Variants in KATNIP observed in about 807,000 individuals in gnomAD.
KATNIP encodes katanin interacting protein.
A neutral mutation model predicts 174.0 loss-of-function variants in KATNIP; 126 were observed. The ratio of observed to expected loss-of-function variants is 0.72; its 90% CI spans 0.63 to 0.84. The LOEUF (loss-of-function observed/expected upper bound fraction) is 0.84. KATNIP is among the 40% of genes least tolerant of loss of function. KATNIP has a pLI of 0.00. For missense variants in KATNIP, 1,958 were observed against 2,109.7 expected (o/e 0.93, Z 1.41); for synonymous variants, 810 against 835.7 (o/e 0.97, Z 0.53).
chr16:27,656,419 GAAAAAAAAAAA>G (rs927275425), intron 6 of KATNIP, among the ~76,000 whole-genome samples: 1 of 34,422 alleles, frequency 2.9e-5, no homozygotes, highest in Non-Finnish European at 6.7e-5. Context: ...CTCTGTCTCA[GAAAAAAAAAAA>G]AAAAAAAAAA....
At chr16:27,720,496 C>CTT (rs56263804) in intron 13 of KATNIP, among the ~76,000 whole-genome samples, 9,153 of 124,422 alleles carry the variant, frequency 0.074, 1,208 homozygotes, top group African/African-American at 0.25. Context: ...GGGTTTTGTT[C>CTT]TTTTTTTTTT....
At chr16:27,739,232 T>A (rs2081013641) in intron 14 of KATNIP, among the ~76,000 whole-genome samples, 1 of 152,066 alleles carries the variant, frequency 6.6e-6, no homozygotes, top group Non-Finnish European at 1.5e-5. Flanking sequence ...GCGGATTGGA[T>A]GGGCAAGTGA....
intron 2 of KATNIP, among the ~76,000 whole-genome samples, chr16:27,592,489 G>A (rs1339210827): frequency 3.3e-5 from 5 of 151,802 alleles, no homozygotes; most frequent in African/African-American, 4.8e-5. Flanking sequence ...GTGGTGGTAC[G>A]CACCTGTAGT....
chr16:27,557,908 G>A (rs1213884139), intron 1 of KATNIP, among the ~76,000 whole-genome samples: 1 of 152,148 alleles, frequency 6.6e-6, no homozygotes, highest in East Asian at 1.9e-4. Flanking sequence ...AATAAAGTCT[G>A]TTAACACCAA....
At chr16:27,570,545 C>A (rs1471973901) in intron 1 of KATNIP, among the ~76,000 whole-genome samples, 8 of 152,064 alleles carry the variant, frequency 5.3e-5, no homozygotes, top group Admixed American at 5.2e-4. Context: ...CCAGCCTGGA[C>A]AACAGAGTGA....
chr16:27,553,664 TA>T (rs1441153697), intron 1 of KATNIP, among the ~76,000 whole-genome samples: 5 of 151,552 alleles, frequency 3.3e-5, no homozygotes, highest in African/African-American at 1.2e-4. Flanking sequence ...AATAAATAAA[TA>T]AAATAAATAA....
intron 2 of KATNIP, among the ~76,000 whole-genome samples, chr16:27,581,038 G>A (rs1008501090): frequency 2.0e-5 from 3 of 151,938 alleles, no homozygotes; most frequent in African/African-American, 7.3e-5. Context: ...TCCAGGTTGG[G>A]CAATATAGTG....
chr16:27,775,006 C>A lies in KATNIP; in HGVS notation c.4371C>A (p.Thr1457=). 3.7e-6 allele frequency: 6 copies of A among 1,613,798 alleles called. No homozygotes were observed. The highest frequency in any genetic ancestry group is 5.1e-6 in the Non-Finnish European group (6 of 1,179,898). ...AGGGTGTGGGCGGGGACGTCCGCAC[C>A]CCAGACAAGCTCATCGACCAAGTGA... ...SLEGVGGDVR[T]PDKLIDQVND... Residue 1457 remains threonine, a synonymous_variant, in exon 24 of 28, where the codon ACC becomes ACA. Transcript: ENST00000261588.
At chr16:27,697,326 ATTTTT>A (rs2078948480) in intron 8 of KATNIP, among the ~76,000 whole-genome samples, 1 of 151,932 alleles carries the variant, frequency 6.6e-6, no homozygotes, top group Non-Finnish European at 1.5e-5. Context: ...TATCTGTTAG[ATTTTT>A]ACTTTTCAAT....
At chr16:27,556,075 T>G (rs2089613642) in intron 1 of KATNIP, among the ~76,000 whole-genome samples, 1 of 150,580 alleles carries the variant, frequency 6.6e-6, no homozygotes, top group African/African-American at 2.4e-5. Context: ...TGCAGTGAGC[T>G]GAGATTGCAC....
chr16:27,650,249 C>T (rs909595017), intron 6 of KATNIP, among the ~76,000 whole-genome samples: 1 of 151,266 alleles, frequency 6.6e-6, no homozygotes, highest in Admixed American at 6.6e-5. Flanking sequence ...CGTGCAACGG[C>T]ATGAGGCCAG....
intron 6 of KATNIP, among the ~76,000 whole-genome samples, chr16:27,677,195 C>T (rs1460209798): frequency 6.6e-6 from 1 of 152,178 alleles, no homozygotes; most frequent in Non-Finnish European, 1.5e-5. Flanking sequence ...CAACACCCTG[C>T]AATATGCAGG....
In KATNIP at chr16:27,764,276, G is replaced by A. The variant is rs141060023; in HGVS notation, c.3810-2033G>A. 5.9e-5 allele frequency among the ~76,000 whole-genome samples: 9 copies of A among 152,184 alleles called. No individual in the cohort carries two copies. The East Asian group carries it at 7.7e-4, about 13-fold the overall frequency. ...TCCAAATAACTGTTTCTCTAGCATC[G>A]TCTAAAACGTGTGTTTCTTTTTAGG... is the stretch of plus-strand genomic sequence containing the variant. On this transcript the variant is annotated intron_variant, in intron 19 of 27. Transcript: ENST00000261588.
chr16:27,778,566 CATGA>C lies in KATNIP; in HGVS notation c.4802-7_4802-4del. On this transcript the variant is annotated splice_region_variant and splice_polypyrimidine_tract_variant and intron_variant, in intron 27 of 27. Transcript: ENST00000261588. Reference sequence around the variant, plus strand: ...TAACTCTGGTCCCTCTGTTCCCTGTCATGACAGCCTTACGTCCCAAAACCTGCAT... The same window carrying C: ...TAACTCTGGTCCCTCTGTTCCCTGTCCAGCCTTACGTCCCAAAACCTGCAT... The C allele has an allele frequency of 6.2e-7, 1 of 1,613,552 alleles. No individual in the cohort carries two copies.
intron 5 of KATNIP, among the ~76,000 whole-genome samples, chr16:27,635,044 G>A (rs1382870397): frequency 2.0e-5 from 3 of 152,128 alleles, no homozygotes; most frequent in Non-Finnish European, 2.9e-5. Flanking sequence ...GTGTTCTCAC[G>A]CAGATCCCGT....
At chr16:27,636,509 C>A (rs233457) in intron 5 of KATNIP, among the ~76,000 whole-genome samples, 124,931 of 151,792 alleles carry the variant, frequency 0.82, 51,640 homozygotes, top group East Asian at 1. Flanking sequence ...GGCTGTGTAA[C>A]CTCTCTGAGC....
At chr16:27,582,197 G>A (rs1319998656) in intron 2 of KATNIP, among the ~76,000 whole-genome samples, 1 of 152,086 alleles carries the variant, frequency 6.6e-6, no homozygotes, top group Non-Finnish European at 1.5e-5. Context: ...TCTCCATTCA[G>A]TTCTCCGTGT....
chr16:27,690,101 A>G (rs892310387), intron 8 of KATNIP, among the ~76,000 whole-genome samples: 13 of 152,038 alleles, frequency 8.6e-5, no homozygotes, highest in African/African-American at 3.1e-4. Flanking sequence ...CTGGGAGTTC[A>G]AGACCAGCCT....
intron 5 of KATNIP, among the ~76,000 whole-genome samples, chr16:27,635,369 C>T (rs2076602221): frequency 6.6e-6 from 1 of 152,124 alleles, no homozygotes; most frequent in Non-Finnish European, 1.5e-5. Flanking sequence ...CACAGAAAGG[C>T]TCCCCAGGAG....
Sources: allele counts gnomAD v4.1 joint callset (sites outside exome capture counted in the v4.1 genomes callset), GRCh38; gene constraint gnomAD v4.1.1; transcripts MANE v1.5; gene names NCBI Gene and HGNC (gene_info 2026-07-23, HGNC 2026-07-21).